The following DHX36 variants were observed in gnomAD, a reference collection of about 807,000 sequenced individuals.
DHX36 encodes the protein ATP-dependent DNA/RNA helicase DHX36.
In DHX36, 50 loss-of-function variants were observed where a neutral mutation model predicts 139.0. The observed-to-expected ratio is 0.36, with a 90% CI of 0.29 to 0.46. The LOEUF (loss-of-function observed/expected upper bound fraction) is 0.46. Among genes scored for constraint, DHX36 ranks in the 20% least tolerant of loss-of-function variants. The pLI is 1.00. For synonymous variants in DHX36, 425 were observed against 401.9 expected, an observed-to-expected ratio of 1.06 and a Z score of -0.69; for missense variants, 1,024 against 1,211.3, an observed-to-expected ratio of 0.85 and a Z score of 2.29.
intron 9 of DHX36, among the ~76,000 whole-genome samples, chr3:154,301,903 T>TG (rs1712309984): frequency 6.6e-6 from 1 of 151,782 alleles, no homozygotes; most frequent in Non-Finnish European, 1.5e-5. Flanking sequence ...CTAGATGGAA[T>TG]GGGGGAGGGG....
In DHX36 at chr3:154,277,599, C is replaced by T; in HGVS notation, c.2687G>A (p.Ser896Asn). ...LIYHLKMRTSSIYLYDCTEVS... is the reference protein window; with the variant it reads ...LIYHLKMRTSNIYLYDCTEVS... The stretch of plus-strand genomic sequence containing the variant: ...TAATTATTTTAAATGTTCACTTACA[C>T]TGCTTGTTCTCATCTTTAGGTGATA... The change falls in exon 23 of 25, where the codon AGT (serine) becomes AAT (asparagine). Residue 896 changes from serine (S) to asparagine (N), a missense_variant and splice_region_variant. Coordinates refer to ENST00000496811, the MANE Select transcript of DHX36 (RefSeq NM_020865.3). The T allele has an allele frequency of 6.2e-7, 1 of 1,605,262 alleles. No homozygotes were observed. Among genetic ancestry groups the T allele is most frequent in the African/African-American group, 1.3e-5 (1 of 74,850 alleles).
chr3:154,281,818 C>T (rs1055099773), intron 20 of DHX36, among the ~76,000 whole-genome samples: 1 of 152,030 alleles, frequency 6.6e-6, no homozygotes, highest in Non-Finnish European at 1.5e-5. Context: ...TCTTTACATT[C>T]TATTTTGCAT....
intron 3 of DHX36, chr3:154,312,372 T>C (rs1297041484): frequency 1.3e-5 from 2 of 152,210 alleles, no homozygotes; most frequent in Non-Finnish European, 2.9e-5. Context: ...TTTTCCTATA[T>C]TTATGTGACA....
In DHX36 at chr3:154,324,397, T is replaced by C. The variant is rs1713325692; in HGVS notation, c.20A>G (p.Gln7Arg). 1.9e-6 allele frequency: 3 copies of C among 1,563,802 alleles called. No individual in the cohort carries two copies. The highest frequency in any genetic ancestry group is 2.7e-5 in the African/African-American group (2 of 73,592). The change falls in exon 1 of 25, where the codon CAG becomes CGG. Residue 7 changes from glutamine (Q) to arginine (R), a missense_variant. This residue lies in a region of DHX36 where 293 missense variants were observed against 274.4 expected (regional missense o/e 1.07). Transcript: ENST00000496811. MSYDYH[Q>R]NWGRDGGPRS... ...GGGACCCCCATCACGGCCCCAGTTC[T>C]GATGGTAGTCATAACTCATTGTCCT... is the stretch of plus-strand genomic sequence containing the variant.
rs1382691143 is a variant in DHX36, at chr3:154,303,187, T to C, written c.1217+142A>G. On this transcript the variant is annotated intron_variant, in intron 9 of 24. Transcript: ENST00000496811. Reference sequence around the variant, plus strand: ...TTTAAAAAGCTCCAGGCAATTTTAATGTGCAGCCAAGTGTGGCTAATTCCC... The same window carrying C: ...TTTAAAAAGCTCCAGGCAATTTTAACGTGCAGCCAAGTGTGGCTAATTCCC... The C allele has an allele frequency of 6.6e-6, 4 of 603,064 alleles. No homozygotes were observed. In the African/African-American group the frequency reaches 7.6e-5, roughly 12 times the overall value. 37.4% of individuals were successfully genotyped at this position (603,064 alleles called of 1,614,324 possible). A position where few individuals can be genotyped will look rare whatever the true frequency, so the allele number is the denominator to read the frequency against.
chr3:154,282,423 TCTA>T (rs1299443853), intron 20 of DHX36, among the ~76,000 whole-genome samples: 4 of 152,186 alleles, frequency 2.6e-5, no homozygotes, highest in Non-Finnish European at 4.4e-5. Context: ...TTTCATTCAC[TCTA>T]CTGTTTATTT....
intron 15 of DHX36, 31 bp from the exon 16 acceptor site, chr3:154,289,857 A>C: frequency 1.5e-6 from 2 of 1,355,236 alleles, no homozygotes; most frequent in Non-Finnish European, 2.1e-6. Flanking sequence ...AAATGAAACA[A>C]AGAGGGACAG....
At chr3:154,320,158 A>G (rs559904197) in intron 1 of DHX36, among the ~76,000 whole-genome samples, 1 of 152,162 alleles carries the variant, frequency 6.6e-6, no homozygotes, top group Non-Finnish European at 1.5e-5. Context: ...TCTCTCCTTT[A>G]AACACTACTC....
rs114617513 is a variant in DHX36 at position 154,293,853 on chromosome 3, C to A, written c.1606-41G>T. 8.9e-5 allele frequency: 124 copies of A among 1,390,144 alleles called. 1 individual carries two copies. In the African/African-American group the frequency reaches 1.7e-3, roughly 19 times the overall value. The allele number at this position is 1,390,144 out of a possible 1,614,324, so 86.1% of individuals were successfully genotyped here. A position where few individuals can be genotyped will look rare whatever the true frequency, so the allele number is the denominator to read the frequency against. ...CATCAGAATCACAAAAGTACACTAA[C>A]TTCTAATACATTATATTTGTAATTA... is the stretch of plus-strand genomic sequence containing the variant. On this transcript the variant is annotated intron_variant, in intron 13 of 24. Coordinates refer to ENST00000496811, the MANE Select transcript of DHX36 (RefSeq NM_020865.3).
intron 11 of DHX36, among the ~76,000 whole-genome samples, 182 bp downstream of exon 11, chr3:154,300,412 T>A (rs1194493718): frequency 6.6e-6 from 1 of 152,264 alleles, no homozygotes; most frequent in African/African-American, 2.4e-5. Context: ...TATATTTGTT[T>A]AGTCTTTTCT....
In DHX36 at chr3:154,316,931, C is replaced by T. The variant is rs145221307; in HGVS notation, c.244-768G>A. On this transcript the variant is annotated intron_variant, in intron 1 of 24. Transcript: ENST00000496811. The stretch of plus-strand genomic sequence containing the variant: ...TGGGACTACAAACCTTAGGTTCTAA[C>T]GTGCATATAAATCCACAGGCAAAAG... 1.1e-3 allele frequency among the ~76,000 whole-genome samples: 160 copies of T among 151,990 alleles called. 3 individuals carry two copies. The highest frequency in any genetic ancestry group is 3.0e-3 in the African/African-American group (125 of 41,472).
intron 1 of DHX36, among the ~76,000 whole-genome samples, chr3:154,320,768 C>T (rs1240673218): frequency 6.6e-6 from 1 of 152,164 alleles, no homozygotes; most frequent in African/African-American, 2.4e-5. Flanking sequence ...GTCCACTCCC[C>T]TCCATCTCCA....
intron 22 of DHX36, 86 bp downstream of exon 22, chr3:154,280,493 T>TTA: frequency 1.0e-6 from 1 of 968,278 alleles, no homozygotes; most frequent in Non-Finnish European, 1.6e-6. Flanking sequence ...AAGAACAAAT[T>TTA]TATAATATAA....
Position 154,272,574 on chromosome 3 carries a change from T to C in DHX36, c.*3597A>G, listed in dbSNP as rs1282868148. The C allele has an allele frequency of 1.3e-5, 2 of 151,144 alleles. No individual in the cohort carries two copies. Among genetic ancestry groups the C allele is most frequent in the African/African-American group, 2.4e-5 (1 of 41,264 alleles). 9.4% of individuals were successfully genotyped at this position (151,144 alleles called of 1,614,324 possible). ...AATTGGTTAATTTTATTGTATATAA[T>C]ATCTTAAAATTTATTATATATAAAA... On this transcript the variant is annotated 3_prime_UTR_variant, in exon 25 of 25. Coordinates refer to ENST00000496811, the MANE Select transcript of DHX36 (RefSeq NM_020865.3).
chr3:154,297,786 G>A lies in DHX36; in HGVS notation c.1549+2052C>T, dbSNP rs189404908. Among the ~76,000 whole-genome samples, 374 of 151,816 alleles carry A rather than the reference G, an allele frequency of 2.5e-3. 3 individuals carry two copies. Among genetic ancestry groups the A allele is most frequent in the African/African-American group, 8.7e-3 (360 of 41,424 alleles). On this transcript the variant is annotated intron_variant, in intron 12 of 24. Coordinates refer to ENST00000496811, the MANE Select transcript of DHX36 (RefSeq NM_020865.3). ...ATAAAAAGTTTAAAAGTTAGCCAGGGATAATAAAAGTAAAAACAATTCTGT... is the reference window on the plus strand; with the variant it reads ...ATAAAAAGTTTAAAAGTTAGCCAGGAATAATAAAAGTAAAAACAATTCTGT...
At chr3:154,308,137 T>C (rs1712580180) in intron 5 of DHX36, among the ~76,000 whole-genome samples, 1 of 152,158 alleles carries the variant, frequency 6.6e-6, no homozygotes, top group South Asian at 2.1e-4. Flanking sequence ...ATGTGGGTGA[T>C]GGACAACCTA....
chr3:154,299,173 T>G (rs1323399804), intron 12 of DHX36, among the ~76,000 whole-genome samples: 1 of 151,630 alleles, frequency 6.6e-6, no homozygotes, highest in East Asian at 2.0e-4. Context: ...CTCTGGAGAC[T>G]GAGGCAGGAG....
chr3:154,284,624 C>T lies in DHX36; in HGVS notation c.2251G>A (p.Asp751Asn), dbSNP rs763254140. 59 of 1,612,546 alleles carry T rather than the reference C, an allele frequency of 3.7e-5. No individual in the cohort carries two copies. The highest frequency in any genetic ancestry group is 4.7e-5 in the Non-Finnish European group (56 of 1,179,446). Residue 751 changes from aspartate to asparagine, a missense_variant, in exon 19 of 25, where the codon GAT becomes AAT. Asp to Asn is a conservative substitution (Grantham distance 23, BLOSUM62 1). Around this residue, in one of 4 missense-constraint regions of DHX36, gnomAD observed 470 missense variants for 616.2 expected, o/e 0.76. Coordinates refer to ENST00000496811, the MANE Select transcript of DHX36 (RefSeq NM_020865.3). ...ADARRKELAK[D>N]TRSDHLTVVN... ...ACTGTTAAGTGATCACTTCTAGTAT[C>T]CTTTGCCAATTCCTTTCTTCTTGCA... is the stretch of plus-strand genomic sequence containing the variant.
chr3:154,277,523 T>C, intron 23 of DHX36, 75 bp downstream of exon 23: 1 of 1,429,386 alleles, frequency 7.0e-7, no homozygotes, highest in Non-Finnish European at 9.3e-7. Flanking sequence ...TGTATATAAT[T>C]GTTAAAACTA....
Sources: gnomAD v4.1 joint callset for allele counts (sites outside exome capture counted in the v4.1 genomes callset) on GRCh38, gnomAD v4.1.1 for gene constraint, gnomAD v4.1.1 regional missense constraint, MANE v1.5 for transcripts, NCBI Gene and HGNC (gene_info 2026-07-23, HGNC 2026-07-21) for gene names.